Variants in INTS4 observed in about 807,000 individuals in gnomAD.
The protein encoded by INTS4 is integrator complex subunit 4.
A neutral mutation model predicts 119.5 loss-of-function variants in INTS4; 70 were observed. That is an observed-to-expected ratio of 0.59 (90% CI 0.48 to 0.71). The LOEUF (loss-of-function observed/expected upper bound fraction) is 0.71, where lower values mean the gene tolerates loss of function less well. INTS4 is among the 30% of genes least tolerant of loss of function. INTS4 has a pLI of 0.00. For synonymous variants in INTS4, 316 were observed against 419.6 expected (o/e 0.75, Z 3.02); for missense variants, 867 against 1,173.2 (o/e 0.74, Z 3.81).
chr11:77,984,090 T>A (rs1165560051), intron 2 of INTS4, among the ~76,000 whole-genome samples: 1 of 152,160 alleles, frequency 6.6e-6, no homozygotes, highest in Non-Finnish European at 1.5e-5. Context: ...AACACATGGA[T>A]AAACCTAGAG....
intron 1 of INTS4, among the ~76,000 whole-genome samples, chr11:77,993,546 C>T (rs11237348): frequency 0.63 from 96,309 of 152,100 alleles, 32,238 homozygotes; most frequent in African/African-American, 0.86. Context: ...GAGAGGAAAT[C>T]ACATTGTGCA....
chr11:77,971,860 C>G (rs1484281534), intron 4 of INTS4, among the ~76,000 whole-genome samples: 1 of 152,084 alleles, frequency 6.6e-6, no homozygotes, highest in East Asian at 1.9e-4. Context: ...CTAAAATATA[C>G]TACTATATTT....
intron 8 of INTS4, among the ~76,000 whole-genome samples, chr11:77,950,337 C>T (rs943109805): frequency 6.6e-6 from 1 of 151,676 alleles, no homozygotes; most frequent in African/African-American, 2.4e-5. Flanking sequence ...GCATGTTCTG[C>T]ACATGTATCC....
chr11:77,933,117 T>C (rs1292894261), intron 10 of INTS4, among the ~76,000 whole-genome samples: 2 of 152,198 alleles, frequency 1.3e-5, no homozygotes, highest in South Asian at 2.1e-4. Context: ...AAAAAAAGTA[T>C]TTAAAAAATC....
chr11:77,891,318 C>T lies in INTS4; in HGVS notation c.2592+1G>A. ...TCCATGAGGACCCAAACCCGACAGACCTGGACCTTAACAGTGTTCTGAGGA... is the reference window on the plus strand; with the variant it reads ...TCCATGAGGACCCAAACCCGACAGATCTGGACCTTAACAGTGTTCTGAGGA... On this transcript the variant is annotated splice_donor_variant, in intron 21 of 22. Coordinates refer to ENST00000534064, the MANE Select transcript of INTS4 (RefSeq NM_033547.4). LOFTEE classifies it high-confidence loss of function. The T allele has an allele frequency of 1.2e-6, 2 of 1,609,626 alleles. No individual in the cohort carries two copies. The highest frequency in any genetic ancestry group is 2.2e-5 in the East Asian group (1 of 44,790).
At chr11:77,943,883 C>T (rs1291929537) in intron 8 of INTS4, among the ~76,000 whole-genome samples, 1 of 152,194 alleles carries the variant, frequency 6.6e-6, no homozygotes, top group Non-Finnish European at 1.5e-5. Context: ...GTACATCAGA[C>T]ATAAAACTGC....
intron 18 of INTS4, chr11:77,900,851 T>C (rs1952757229): frequency 3.7e-6 from 2 of 533,378 alleles, no homozygotes; most frequent in Admixed American, 3.4e-5. Context: ...TCAAGTACCA[T>C]GCTAAGTGTT....
At chr11:77,964,940 T>C (rs1332122030) in intron 4 of INTS4, among the ~76,000 whole-genome samples, 1 of 152,244 alleles carries the variant, frequency 6.6e-6, no homozygotes. Flanking sequence ...CATAGTTATA[T>C]ATATTTTTGG....
At chr11:77,955,834 C>T (rs998510190) in intron 8 of INTS4, 108 bp downstream of exon 8, 1 of 1,008,384 alleles carries the variant, frequency 9.9e-7, no homozygotes, top group Admixed American at 2.3e-5. Flanking sequence ...AGGAGGACTG[C>T]TTGAGGCCAA....
At chr11:77,904,675 T>A (rs1952887410) in intron 16 of INTS4, among the ~76,000 whole-genome samples, 1 of 152,186 alleles carries the variant, frequency 6.6e-6, no homozygotes, top group African/African-American at 2.4e-5. Flanking sequence ...TTCTAATCAT[T>A]TCTTGTATGC....
chr11:77,968,067 T>C (rs944580282), intron 4 of INTS4, among the ~76,000 whole-genome samples: 3 of 152,194 alleles, frequency 2.0e-5, no homozygotes, highest in African/African-American at 7.2e-5. Context: ...TGTAGGCAAC[T>C]GTAACATAAT....
At chr11:77,990,805 G>A (rs1856652103) in intron 2 of INTS4, among the ~76,000 whole-genome samples, 1 of 152,090 alleles carries the variant, frequency 6.6e-6, no homozygotes, top group Non-Finnish European at 1.5e-5. Flanking sequence ...AATGGGTCAT[G>A]ATTGATATTT....
In INTS4 at chr11:77,903,587, G is replaced by C. The variant is rs1952845354; in HGVS notation, c.2050C>G (p.Pro684Ala). 1 of 1,613,896 alleles carries C rather than the reference G, an allele frequency of 6.2e-7. No individual in the cohort carries two copies. Among genetic ancestry groups the C allele is most frequent in the African/African-American group, 1.3e-5 (1 of 75,054 alleles). The change falls in exon 17 of 23, where the codon CCT (proline) becomes GCT (alanine). Residue 684 changes from proline (P) to alanine (A), a missense_variant. Around this residue, in one of 5 missense-constraint regions of INTS4, gnomAD observed 262 missense variants for 376.0 expected, o/e 0.70. Coordinates refer to ENST00000534064, the MANE Select transcript of INTS4 (RefSeq NM_033547.4). Reference protein sequence around the residue: ...LQEKLWNVAAPLYLKQSDLAS... With the variant: ...LQEKLWNVAAALYLKQSDLAS... Reference sequence around the variant, plus strand: ...AAATCACTCTGCTTCAAATACAAAGGGGCAGCTACATTCCACAACTTTTCC... The same window carrying C: ...AAATCACTCTGCTTCAAATACAAAGCGGCAGCTACATTCCACAACTTTTCC...
At chr11:77,897,806 T>C (rs1352235329) in intron 18 of INTS4, among the ~76,000 whole-genome samples, 1 of 151,222 alleles carries the variant, frequency 6.6e-6, no homozygotes, top group Non-Finnish European at 1.5e-5. Flanking sequence ...CACCCAGCCA[T>C]ATTATTGTTA....
chr11:77,959,449 T>C (rs1954410752), intron 6 of INTS4, among the ~76,000 whole-genome samples: 1 of 152,062 alleles, frequency 6.6e-6, no homozygotes. Context: ...TTCTACACTA[T>C]CAGTCCATCC....
intron 10 of INTS4, among the ~76,000 whole-genome samples, chr11:77,932,769 G>A (rs1282975560): frequency 6.6e-5 from 10 of 152,044 alleles, no homozygotes; most frequent in Admixed American, 2.0e-4. Context: ...GGAATACCAC[G>A]CAGCCATAAA....
At chr11:77,878,244 C>T (rs1035973365), downstream of INTS4, among the ~76,000 whole-genome samples, 3 of 152,112 alleles carry the variant, frequency 2.0e-5, no homozygotes, top group African/African-American at 2.4e-5. Context: ...CGCCTGTAGT[C>T]CCACCTACTC....
chr11:77,931,980 A>G (rs938877164), intron 10 of INTS4, among the ~76,000 whole-genome samples: 1 of 152,242 alleles, frequency 6.6e-6, no homozygotes, highest in African/African-American at 2.4e-5. Context: ...CTAAAACCAT[A>G]AAAACCCTAG....
At chr11:77,960,489 C>T (rs1444450735) in intron 5 of INTS4, 98 bp from the exon 6 acceptor site, 1 of 904,698 alleles carries the variant, frequency 1.1e-6, no homozygotes, top group Non-Finnish European at 1.7e-6. Flanking sequence ...TTGTATCAGG[C>T]TAACATGGTT....
Sources: allele counts gnomAD v4.1 joint callset (sites outside exome capture counted in the v4.1 genomes callset), GRCh38; gene constraint gnomAD v4.1.1; regional missense constraint gnomAD v4.1.1; transcripts MANE v1.5; gene names NCBI Gene and HGNC (gene_info 2026-07-23, HGNC 2026-07-21).